The following CEP128 variants were observed in gnomAD, a reference collection of about 807,000 sequenced individuals.
The protein encoded by CEP128 is centrosomal protein 128.
Under a neutral mutation model 156.7 loss-of-function variants are expected in CEP128, and 132 were observed. The ratio of observed to expected loss-of-function variants is 0.84; its 90% CI spans 0.73 to 0.97. The LOEUF is 0.97. Among genes scored for constraint, CEP128 ranks in the 50% least tolerant of loss-of-function variants. The probability of loss-of-function intolerance (pLI) is 0.00; values close to 1 mark genes in which losing one functional copy is unlikely to be tolerated. For missense variants in CEP128, 1,252 were observed against 1,281.9 expected (o/e 0.98, Z 0.36); for synonymous variants, 469 against 448.9 (o/e 1.04, Z -0.57).
chr14:80,625,670 C>T (rs558943955), intron 19 of CEP128, among the ~76,000 whole-genome samples: 2 of 152,048 alleles, frequency 1.3e-5, no homozygotes, highest in African/African-American at 2.4e-5. Flanking sequence ...TCTTTCATCT[C>T]CTTGGTTAAA....
intron 8 of CEP128, 22 bp from the exon 9 acceptor site, chr14:80,862,895 C>T (rs1887588022): frequency 1.3e-6 from 2 of 1,559,444 alleles, no homozygotes; most frequent in Non-Finnish European, 1.8e-6. Context: ...TTCAGAGAAA[C>T]AGCAGCATTA....
At chr14:80,537,482 A>C (rs1318393619) in intron 21 of CEP128, among the ~76,000 whole-genome samples, 1 of 152,178 alleles carries the variant, frequency 6.6e-6, no homozygotes, top group Non-Finnish European at 1.5e-5. Flanking sequence ...TAAAGAAAAA[A>C]TAACACACAA....
intron 21 of CEP128, among the ~76,000 whole-genome samples, chr14:80,546,091 T>C (rs1272772002): frequency 6.6e-6 from 1 of 152,228 alleles, no homozygotes; most frequent in African/African-American, 2.4e-5. Context: ...GTGGCAATAC[T>C]AGGACAGAAT....
chr14:80,735,438 T>C lies in CEP128; in HGVS notation c.2806+7637A>G, dbSNP rs139630800. On this transcript the variant is annotated intron_variant, in intron 19 of 24. Coordinates refer to ENST00000555265, the MANE Select transcript of CEP128 (RefSeq NM_152446.5). ...CTATCTCAATATATTTCAAGGTTAATACAGTAAAAGTAATTTATGAATATT... is the reference window on the plus strand; with the variant it reads ...CTATCTCAATATATTTCAAGGTTAACACAGTAAAAGTAATTTATGAATATT... Among the ~76,000 whole-genome samples the C allele has an allele frequency of 4.2e-3, 640 of 152,296 alleles. 7 individuals carry two copies. Among genetic ancestry groups the C allele is most frequent in the African/African-American group, 0.015 (626 of 41,572 alleles).
At chr14:80,495,896 G>C (rs1887477387), downstream of CEP128, among the ~76,000 whole-genome samples, 1 of 152,080 alleles carries the variant, frequency 6.6e-6, no homozygotes, top group Non-Finnish European at 1.5e-5. Context: ...ACCATCAATG[G>C]AAATACATTC....
intron 19 of CEP128, among the ~76,000 whole-genome samples, chr14:80,588,855 A>G (rs188129594): frequency 1.3e-5 from 2 of 152,002 alleles, no homozygotes; most frequent in Admixed American, 1.3e-4. Flanking sequence ...TTTTTGCTAA[A>G]CCTCCAGGTG....
At chr14:80,521,632 T>C (rs866375998) in intron 23 of CEP128, among the ~76,000 whole-genome samples, 1 of 152,244 alleles carries the variant, frequency 6.6e-6, no homozygotes, top group South Asian at 2.1e-4. Flanking sequence ...CATGATTTGA[T>C]TGCCTATAAG....
At chr14:80,659,389 G>A (rs1289192858) in intron 19 of CEP128, among the ~76,000 whole-genome samples, 1 of 152,144 alleles carries the variant, frequency 6.6e-6, no homozygotes, top group Non-Finnish European at 1.5e-5. Context: ...CAATTGAAGT[G>A]TATGCTTCCT....
rs574953496 is a variant in CEP128, at chr14:80,954,131, G to C, written c.-172+4047C>G. On this transcript the variant is annotated intron_variant, in intron 2 of 7. Coordinates refer to the CEP128 transcript ENST00000555529. ...AAAATTACGAAAAAATTAGCCGGGC[G>C]TGGTGGCGGGCGCCTGTAGTCCCAG... 5.1e-4 allele frequency among the ~76,000 whole-genome samples: 77 copies of C among 152,214 alleles called. 1 individual carries two copies. In the South Asian group the frequency reaches 0.016, roughly 31 times the overall value.
chr14:80,811,421 C>T (rs1179102352), intron 13 of CEP128, among the ~76,000 whole-genome samples: 2 of 151,692 alleles, frequency 1.3e-5, no homozygotes, highest in African/African-American at 2.4e-5. Context: ...ACTCCACAGC[C>T]TCACCAGCAG....
intron 1 of CEP128, among the ~76,000 whole-genome samples, chr14:80,939,827 A>C (rs1886046879): frequency 6.6e-6 from 1 of 152,176 alleles, no homozygotes; most frequent in Admixed American, 6.5e-5. Flanking sequence ...CTAGCCAAAA[A>C]GTACTATGTA....
At chr14:80,920,177 C>A (rs1175603295) in intron 2 of CEP128, among the ~76,000 whole-genome samples, 8 of 152,206 alleles carry the variant, frequency 5.3e-5, no homozygotes, top group African/African-American at 1.9e-4. Context: ...AGCTAACTAA[C>A]AGAGCACCTA....
chr14:80,914,474 G>A, intron 3 of CEP128, 66 bp from the exon 4 acceptor site: 2 of 1,184,186 alleles, frequency 1.7e-6, no homozygotes, highest in Non-Finnish European at 2.5e-6. Context: ...AATCTTAGTA[G>A]TATGTCAATC....
At chr14:80,741,825 C>T (rs1022096066) in intron 19 of CEP128, among the ~76,000 whole-genome samples, 5 of 151,886 alleles carry the variant, frequency 3.3e-5, no homozygotes, top group African/African-American at 9.7e-5. Context: ...TCAGTAGTTT[C>T]GCTGCCTTTC....
chr14:80,560,433 AAAAAT>A lies in CEP128; in HGVS notation c.2857-1136_2857-1132del, dbSNP rs1231132680. Among the ~76,000 whole-genome samples the A allele has an allele frequency of 2.0e-5, 3 of 152,344 alleles. No homozygotes were observed. The East Asian group carries it at 5.8e-4, about 29-fold the overall frequency. Reference sequence around the variant, plus strand: ...GAGCAAGACTACACCTCAAAAAAATAAAAATAAAATAAAAGAACTAGAGGAAATAT... The same window carrying A: ...GAGCAAGACTACACCTCAAAAAAATAAAAATAAAAGAACTAGAGGAAATAT... On this transcript the variant is annotated intron_variant, in intron 20 of 24. Coordinates refer to ENST00000555265, the MANE Select transcript of CEP128 (RefSeq NM_152446.5).
chr14:80,738,675 A>C (rs1898656890), intron 19 of CEP128, among the ~76,000 whole-genome samples: 1 of 152,106 alleles, frequency 6.6e-6, no homozygotes, highest in South Asian at 2.1e-4. Context: ...CTTTTATTAT[A>C]CTATATTGTT....
chr14:80,756,023 T>G (rs991549919), intron 18 of CEP128, among the ~76,000 whole-genome samples: 3 of 152,222 alleles, frequency 2.0e-5, no homozygotes, highest in Non-Finnish European at 4.4e-5. Flanking sequence ...AAGCTTTCTG[T>G]TCAGAAATGA....
At chr14:80,908,299 G>T (rs1041715854) in intron 4 of CEP128, among the ~76,000 whole-genome samples, 2 of 151,886 alleles carry the variant, frequency 1.3e-5, no homozygotes, top group Non-Finnish European at 2.9e-5. Flanking sequence ...CTCTCCTTCT[G>T]GAAATGCAAC....
chr14:80,481,308 G>C (rs1333023192), intron 14 of CEP128, among the ~76,000 whole-genome samples: 1 of 152,124 alleles, frequency 6.6e-6, no homozygotes, highest in African/African-American at 2.4e-5. Context: ...AGAAACCCCT[G>C]ATAAACCCAT....
Sources: allele counts gnomAD v4.1 joint callset (sites outside exome capture counted in the v4.1 genomes callset), GRCh38; gene constraint gnomAD v4.1.1; transcripts MANE v1.5; gene names NCBI Gene and HGNC (gene_info 2026-07-23, HGNC 2026-07-21).